Variants in PPP2R2B observed in about 807,000 individuals in gnomAD.
The protein encoded by PPP2R2B is serine/threonine-protein phosphatase 2A 55 kDa regulatory subunit B beta isoform.
A neutral mutation model predicts 46.0 loss-of-function variants in PPP2R2B; 5 were observed. The observed-to-expected ratio is 0.11, with a 90% CI of 0.06 to 0.23. PPP2R2B has a LOEUF of 0.23. PPP2R2B is among the 10% of genes least tolerant of loss of function. PPP2R2B has a pLI of 1.00. For synonymous variants in PPP2R2B, 215 were observed against 206.7 expected (o/e 1.04, Z -0.34); for missense variants, 367 against 575.0 (o/e 0.64, Z 3.70).
At chr5:146,818,355 CAAA>C (rs113412098) in intron 2 of PPP2R2B, among the ~76,000 whole-genome samples, 1 of 144,086 alleles carries the variant, frequency 6.9e-6, no homozygotes. Context: ...AAATTCACTG[CAAA>C]AAAAAAAAAA....
At chr5:147,031,222 G>A (rs569009067) in intron 1 of PPP2R2B, among the ~76,000 whole-genome samples, 1 of 151,606 alleles carries the variant, frequency 6.6e-6, no homozygotes, top group East Asian at 1.9e-4. Flanking sequence ...GGGCAACAGC[G>A]AGACTCCACC....
At chr5:146,855,459 C>T (rs1437997879) in intron 2 of PPP2R2B, among the ~76,000 whole-genome samples, 3 of 152,172 alleles carry the variant, frequency 2.0e-5, no homozygotes, top group African/African-American at 7.2e-5. Context: ...TATTCACAAA[C>T]ATATATGCAT....
rs117702583 is a variant in PPP2R2B, at chr5:146,595,744, G to T, written c.961-2682C>A. On this transcript the variant is annotated intron_variant, in intron 8 of 9. Coordinates refer to ENST00000394411, the MANE Select transcript of PPP2R2B (RefSeq NM_181675.4). ...TCTACTAGAGGAAAGAATAAAGTGA[G>T]ATGTATACATGAGCAACCTCTAGAG... Among the ~76,000 whole-genome samples the T allele has an allele frequency of 1.5e-3, 229 of 152,354 alleles. 1 individual carries two copies. The South Asian group carries it at 0.031, about 20-fold the overall frequency.
At chr5:146,624,904 G>C (rs1026894385) in intron 7 of PPP2R2B, among the ~76,000 whole-genome samples, 1 of 152,180 alleles carries the variant, frequency 6.6e-6, no homozygotes, top group African/African-American at 2.4e-5. Context: ...TCCAGATTCA[G>C]AGCCACTCCA....
chr5:146,913,524 T>C (rs1763266824), intron 1 of PPP2R2B, among the ~76,000 whole-genome samples: 2 of 150,192 alleles, frequency 1.3e-5, no homozygotes, highest in Admixed American at 1.3e-4. Flanking sequence ...TCTAGGCCTC[T>C]TTACTTTTTG....
At chr5:146,710,572 A>G (rs150771747) in intron 2 of PPP2R2B, among the ~76,000 whole-genome samples, 1 of 152,390 alleles carries the variant, frequency 6.6e-6, no homozygotes, top group Non-Finnish European at 1.5e-5. Context: ...TGGGAAATTG[A>G]TAGCAGTCCA....
At chr5:146,839,350 G>A (rs1582235756) in intron 2 of PPP2R2B, among the ~76,000 whole-genome samples, 2 of 152,162 alleles carry the variant, frequency 1.3e-5, no homozygotes, top group East Asian at 3.9e-4. Context: ...GTGAAACCTT[G>A]TCTTTACTAA....
intron 2 of PPP2R2B, among the ~76,000 whole-genome samples, chr5:146,813,243 C>T (rs74737268): frequency 6.6e-6 from 1 of 151,800 alleles, no homozygotes; most frequent in Admixed American, 6.6e-5. Flanking sequence ...TTAAAAAAAA[C>T]CCCTCTCTTT....
intron 1 of PPP2R2B, among the ~76,000 whole-genome samples, chr5:146,989,832 C>T (rs1206645431): frequency 6.6e-6 from 1 of 151,600 alleles, no homozygotes; most frequent in African/African-American, 2.4e-5. Flanking sequence ...ATGACATGAC[C>T]ATATACATAG....
At chr5:146,828,542 G>T (rs1254603727) in intron 2 of PPP2R2B, among the ~76,000 whole-genome samples, 1 of 152,188 alleles carries the variant, frequency 6.6e-6, no homozygotes, top group African/African-American at 2.4e-5. Context: ...GCAGAATGTT[G>T]TAGAATTCAG....
At chr5:146,701,481 G>A (rs569381246) in intron 2 of PPP2R2B, among the ~76,000 whole-genome samples, 8 of 152,314 alleles carry the variant, frequency 5.3e-5, no homozygotes, top group South Asian at 4.1e-4. Flanking sequence ...CAGACCCTTC[G>A]TGCATCCACG....
intron 6 of PPP2R2B, among the ~76,000 whole-genome samples, chr5:146,644,962 G>A (rs1397275191): frequency 1.3e-5 from 2 of 152,114 alleles, no homozygotes; most frequent in Non-Finnish European, 2.9e-5. Flanking sequence ...TAAGCCAATG[G>A]AGGATAAGAG....
At chr5:146,700,350 GAC>G (rs1386191388) in intron 3 of PPP2R2B, among the ~76,000 whole-genome samples, 1 of 152,092 alleles carries the variant, frequency 6.6e-6, no homozygotes, top group Non-Finnish European at 1.5e-5. Context: ...ATTCCATTTT[GAC>G]AAACAGAAGC....
In PPP2R2B at chr5:146,812,824, TATATAC is replaced by T. The variant is rs1370728309; in HGVS notation, c.70+65172_70+65177del. Among the ~76,000 whole-genome samples the T allele has an allele frequency of 3.9e-4, 36 of 92,698 alleles. 2 individuals are homozygous for T. Among genetic ancestry groups the T allele is most frequent in the African/African-American group, 1.2e-3 (30 of 24,942 alleles). 60.8% of individuals were successfully genotyped at this position (92,698 alleles called of 152,430 possible). A position where few individuals can be genotyped will look rare whatever the true frequency, so the allele number is the denominator to read the frequency against. ...ATATATATATATATATATATATATA[TATATAC>T]ACACACATTTCCATTATAAAACCAT... is the stretch of plus-strand genomic sequence containing the variant. On this transcript the variant is annotated intron_variant, in intron 2 of 9. Transcript: ENST00000394411.
intron 1 of PPP2R2B, among the ~76,000 whole-genome samples, chr5:146,986,725 C>T (rs1753447139): frequency 6.6e-6 from 1 of 151,688 alleles, no homozygotes; most frequent in Admixed American, 6.6e-5. Flanking sequence ...GAGGGAAAAG[C>T]AAAAAGAATG....
At chr5:146,747,876 G>A (rs1235278289) in intron 2 of PPP2R2B, among the ~76,000 whole-genome samples, 1 of 151,736 alleles carries the variant, frequency 6.6e-6, no homozygotes, top group Non-Finnish European at 1.5e-5. Flanking sequence ...TTTGGCCCAA[G>A]AACAGCATGA....
At chr5:146,837,914 G>T (rs943395009) in intron 2 of PPP2R2B, among the ~76,000 whole-genome samples, 1 of 152,092 alleles carries the variant, frequency 6.6e-6, no homozygotes, top group Non-Finnish European at 1.5e-5. Flanking sequence ...ATTAAGCAGG[G>T]ACCTGGGAAT....
intron 5 of PPP2R2B, among the ~76,000 whole-genome samples, chr5:146,670,910 A>C (rs527675173): frequency 3.2e-4 from 49 of 152,334 alleles, no homozygotes; most frequent in Non-Finnish European, 6.2e-4. Flanking sequence ...AAAAAAGAAG[A>C]AAATTATAAA....
At chr5:147,056,447 T>C (rs534669303), upstream of PPP2R2B, among the ~76,000 whole-genome samples, 37 of 152,318 alleles carry the variant, frequency 2.4e-4, no homozygotes, top group Non-Finnish European at 5.0e-4. Context: ...GCTCCACTAC[T>C]GCCTCTTTCT....
Sources: allele counts gnomAD v4.1 joint callset (sites outside exome capture counted in the v4.1 genomes callset), GRCh38; gene constraint gnomAD v4.1.1; transcripts MANE v1.5; gene names NCBI Gene and HGNC (gene_info 2026-07-23, HGNC 2026-07-21).